TUBGCP5: variants seen among roughly 807,000 people sequenced by gnomAD.
TUBGCP5 encodes gamma-tubulin complex component 5.
A neutral mutation model predicts 134.7 loss-of-function variants in TUBGCP5; 98 were observed. That is an observed-to-expected ratio of 0.73 (90% confidence interval 0.62 to 0.86). TUBGCP5 has a LOEUF of 0.86. Among genes scored for constraint, TUBGCP5 ranks in the 40% least tolerant of loss-of-function variants. The pLI is 0.00. For missense variants in TUBGCP5, 1,150 were observed against 1,244.8 expected, an observed-to-expected ratio of 0.92 and a Z score of 1.15; for synonymous variants, 456 against 431.4, an observed-to-expected ratio of 1.06 and a Z score of -0.71.
intron 23 of TUBGCP5, among the ~76,000 whole-genome samples, chr15:22,991,690 G>A (rs1449262119): frequency 6.6e-6 from 1 of 152,322 alleles, no homozygotes. Context: ...AGTTTAGAGA[G>A]TTTATTCAAG....
Position 23,032,831 on chromosome 15 carries a change from A to G in TUBGCP5, c.310-7T>C, listed in dbSNP as rs1207906502. On this transcript the variant is annotated splice_region_variant and splice_polypyrimidine_tract_variant and intron_variant, in intron 3 of 22. Transcript: ENST00000615383. ...TGGAATAATGTGCATCTGTCTTTAA[A>G]ACAAAAAAAAGAACATAAATCTCTG... The G allele has an allele frequency of 6.4e-7, 1 of 1,551,022 alleles. No homozygotes were observed. The highest frequency in any genetic ancestry group is 2.1e-5 in the Admixed American group (1 of 46,712).
At chr15:23,033,316 C>T (rs1395369486) in intron 3 of TUBGCP5, among the ~76,000 whole-genome samples, 5 of 151,894 alleles carry the variant, frequency 3.3e-5, no homozygotes, top group South Asian at 2.1e-4. Context: ...TTCGCTCTGT[C>T]GCCCAGGCTG....
At position 23,032,332 on chromosome 15, in the gene TUBGCP5, G is replaced by C. The variant is rs532529000; in HGVS notation, c.407-303C>G. Among the ~76,000 whole-genome samples, 50 of 152,208 alleles carry C rather than the reference G, an allele frequency of 3.3e-4. 2 individuals carry two copies. In the South Asian group the frequency reaches 9.5e-3, roughly 29 times the overall value. On this transcript the variant is annotated intron_variant, in intron 4 of 22. Transcript: ENST00000615383. ...TACACCACCCTCCGCAATGCTCAAG[G>C]CTGACAGAAAATGGTGTAGTATGTG...
Position 23,037,014 on chromosome 15 carries a change from TAAGAA to T in TUBGCP5, c.201-14_201-10del, listed in dbSNP as rs1198078253. 1 of 1,594,470 alleles carries T rather than the reference TAAGAA, an allele frequency of 6.3e-7. No homozygotes were observed. Among genetic ancestry groups the T allele is most frequent in the African/African-American group, 1.4e-5 (1 of 73,846 alleles). The stretch of plus-strand genomic sequence containing the variant: ...CAAATTTTTCATAAATTCTAAAATA[TAAGAA>T]AAGATTATAAAGCTATCTTAAAAAG... On this transcript the variant is annotated splice_polypyrimidine_tract_variant and intron_variant, in intron 2 of 22. Coordinates refer to ENST00000615383, the MANE Select transcript of TUBGCP5 (RefSeq NM_052903.6).
At position 23,027,299 on chromosome 15, in the gene TUBGCP5, T is replaced by C. The variant is rs1264644871; in HGVS notation, c.630A>G (p.Pro210=). Residue 210 remains proline, a synonymous_variant, in exon 7 of 23, where the codon CCA becomes CCG. Coordinates refer to ENST00000615383, the MANE Select transcript of TUBGCP5 (RefSeq NM_052903.6). ...LDPCISWKDE[P]DDRSWLEHHV... is the part of the protein sequence containing the mutation. Reference sequence around the variant, plus strand: ...GATGTTCCAGCCAGCTTCGGTCATCTGGCTCATCTGCTTGAAAGAAATGTA... The same window carrying C: ...GATGTTCCAGCCAGCTTCGGTCATCCGGCTCATCTGCTTGAAAGAAATGTA... 1 of 1,613,586 alleles carries C rather than the reference T, an allele frequency of 6.2e-7. No individual in the cohort carries two copies. The highest frequency in any genetic ancestry group is 1.1e-5 in the South Asian group (1 of 90,936).
chr15:23,014,303 G>T (rs2065197362), intron 13 of TUBGCP5, among the ~76,000 whole-genome samples: 1 of 152,186 alleles, frequency 6.6e-6, no homozygotes. Context: ...GCCCTGGCAG[G>T]CATGTACCTA....
intron 23 of TUBGCP5, among the ~76,000 whole-genome samples, chr15:22,988,441 C>G (rs2063743686): frequency 6.6e-6 from 1 of 151,842 alleles, no homozygotes; most frequent in Admixed American, 6.6e-5. Context: ...TAATTAATAT[C>G]TGGTTTTTTT....
At chr15:23,020,675 A>C (rs770593905) in intron 11 of TUBGCP5, among the ~76,000 whole-genome samples, 1 of 152,118 alleles carries the variant, frequency 6.6e-6, no homozygotes, top group Middle Eastern at 3.2e-3. Context: ...AAATACACCT[A>C]ATGTACATAC....
At chr15:23,028,687 C>G (rs534373612) in intron 6 of TUBGCP5, among the ~76,000 whole-genome samples, 11 of 152,170 alleles carry the variant, frequency 7.2e-5, no homozygotes, top group African/African-American at 2.7e-4. Context: ...AACCATCACA[C>G]TTAACGGAGG....
At chr15:23,014,315 G>A (rs963908898) in intron 13 of TUBGCP5, among the ~76,000 whole-genome samples, 2 of 152,204 alleles carry the variant, frequency 1.3e-5, no homozygotes, top group African/African-American at 2.4e-5. Context: ...ATGTACCTAG[G>A]CTTCTTGAGC....
At chr15:23,039,137 C>T (rs1396760451) in intron 1 of TUBGCP5, among the ~76,000 whole-genome samples, 4 of 151,924 alleles carry the variant, frequency 2.6e-5, no homozygotes, top group Admixed American at 6.5e-5. Context: ...CGCGCGCCGG[C>T]CGGCAAGAAA....
chr15:23,005,406 C>T, intron 19 of TUBGCP5, 26 bp downstream of exon 19: 2 of 1,610,898 alleles, frequency 1.2e-6, no homozygotes, highest in African/African-American at 1.3e-5. Flanking sequence ...GACGATAGAA[C>T]TGAAGCAGAT....
chr15:23,038,860 C>G (rs1015311736), intron 1 of TUBGCP5, among the ~76,000 whole-genome samples: 2 of 98,066 alleles, frequency 2.0e-5, no homozygotes, highest in African/African-American at 6.0e-5. Context: ...TGCTACGTGC[C>G]AGGAGCTGTG....
At chr15:23,015,392 A>T (rs2065253681) in intron 13 of TUBGCP5, among the ~76,000 whole-genome samples, 1 of 149,376 alleles carries the variant, frequency 6.7e-6, no homozygotes, top group Admixed American at 6.6e-5. Context: ...CTGCAATCCC[A>T]ATACTTTGGG....
intron 11 of TUBGCP5, among the ~76,000 whole-genome samples, chr15:23,021,519 A>G (rs2065694300): frequency 6.6e-6 from 1 of 152,086 alleles, no homozygotes; most frequent in South Asian, 2.1e-4. Flanking sequence ...AAGTACATTC[A>G]TATCGTTGTG....
chr15:23,005,634 G>A lies in TUBGCP5; in HGVS notation c.2534-24C>T, dbSNP rs1161051417. 4 of 1,603,716 alleles carry A rather than the reference G, an allele frequency of 2.5e-6. No individual in the cohort carries two copies. In the South Asian group the frequency reaches 4.4e-5, roughly 18 times the overall value. On this transcript the variant is annotated intron_variant, in intron 18 of 22. Transcript: ENST00000615383. ...TTCTATAAAACATTGGAAGAGCAAA[G>A]TGGACAGAAAGAGCATCAACTCAAA...
At chr15:23,004,821 C>T (rs1213628696) in intron 19 of TUBGCP5, among the ~76,000 whole-genome samples, 8 of 152,186 alleles carry the variant, frequency 5.3e-5, no homozygotes, top group Admixed American at 5.2e-4. Flanking sequence ...CAGTGGCTCA[C>T]TTCACCCAAG....
downstream of TUBGCP5, among the ~76,000 whole-genome samples, chr15:22,997,336 C>A (rs751995968): frequency 1.3e-5 from 2 of 151,980 alleles, no homozygotes; most frequent in African/African-American, 4.8e-5. Context: ...TGCGCCACCA[C>A]GCCCGGCTGA....
chr15:23,025,332 A>C (rs1374853454), intron 8 of TUBGCP5, among the ~76,000 whole-genome samples: 1 of 152,220 alleles, frequency 6.6e-6, no homozygotes, highest in Non-Finnish European at 1.5e-5. Context: ...AGAGAAGTCT[A>C]AAACATGTTG....
Sources: allele counts gnomAD v4.1 joint callset (sites outside exome capture counted in the v4.1 genomes callset), GRCh38; gene constraint gnomAD v4.1.1; transcripts MANE v1.5; gene names NCBI Gene and HGNC (gene_info 2026-07-23, HGNC 2026-07-21).